AP3S2: variants seen among roughly 807,000 people sequenced by gnomAD.
AP3S2 encodes the protein adaptor related protein complex 3 subunit sigma 2.
Under a neutral mutation model 23.4 loss-of-function variants are expected in AP3S2, and 22 were observed. The ratio of observed to expected loss-of-function variants is 0.94; its 90% CI spans 0.67 to 1.34. AP3S2 has a LOEUF of 1.34. Among genes scored for constraint, AP3S2 ranks in the 40% most tolerant of loss-of-function variants. The probability of loss-of-function intolerance (pLI) is 0.00; values close to 1 mark genes in which losing one functional copy is unlikely to be tolerated. For synonymous variants in AP3S2, 86 were observed against 87.1 expected (o/e 0.99, Z 0.07); for missense variants, 241 against 236.9 (o/e 1.02, Z -0.11).
chr15:89,853,329 C>T (rs1206999353), intron 4 of AP3S2, among the ~76,000 whole-genome samples: 1 of 152,122 alleles, frequency 6.6e-6, no homozygotes, highest in African/African-American at 2.4e-5. Flanking sequence ...TCACTAATTC[C>T]GATCCTCAAA....
In AP3S2 at chr15:89,876,178, G is replaced by A. The variant is rs11853622; in HGVS notation, c.274-4632C>T. ...CACACCTGTAATCCCAGCACTTTGG[G>A]AGGCCAAGTCAGGCAGATCACCTGA... On this transcript the variant is annotated intron_variant, in intron 3 of 5. Transcript: ENST00000336418. Among the ~76,000 whole-genome samples, 928 of 152,260 alleles carry A rather than the reference G, an allele frequency of 6.1e-3. 7 individuals are homozygous for A. Among genetic ancestry groups the A allele is most frequent in the African/African-American group, 0.021 (866 of 41,548 alleles).
chr15:89,849,637 G>C (rs1227264933), intron 4 of AP3S2, among the ~76,000 whole-genome samples: 1 of 152,058 alleles, frequency 6.6e-6, no homozygotes, highest in Non-Finnish European at 1.5e-5. Context: ...AAAGTGCTGG[G>C]ATTACAGGCA....
rs563754208 is a variant in AP3S2, at chr15:89,884,222, A to T, written c.273+4299T>A. 5.9e-5 allele frequency among the ~76,000 whole-genome samples: 9 copies of T among 152,336 alleles called. 1 individual carries two copies. The South Asian group carries it at 1.9e-3, about 32-fold the overall frequency. ...TGTATAATCGCTCCTCTCAGCAACT[A>T]CTAATTTTTATTATATTAGTTTTTC... On this transcript the variant is annotated intron_variant, in intron 3 of 5. Coordinates refer to ENST00000336418, the MANE Select transcript of AP3S2 (RefSeq NM_005829.5).
intron 4 of AP3S2, among the ~76,000 whole-genome samples, chr15:89,842,224 G>A (rs1895345866): frequency 6.6e-6 from 1 of 151,968 alleles, no homozygotes; most frequent in African/African-American, 2.4e-5. Context: ...AACCAAAAAG[G>A]GCTAAAAGAA....
chr15:89,833,673 C>T lies in AP3S2; in HGVS notation c.*1842G>A, dbSNP rs547284047. The T allele has an allele frequency of 6.6e-6, 1 of 152,328 alleles. No homozygotes were observed. Among genetic ancestry groups the T allele is most frequent in the South Asian group, 2.1e-4 (1 of 4,830 alleles). 9.4% of individuals were successfully genotyped at this position (152,328 alleles called of 1,614,324 possible). A position where few individuals can be genotyped will look rare whatever the true frequency, so the allele number is the denominator to read the frequency against. On this transcript the variant is annotated 3_prime_UTR_variant, in exon 6 of 6. Transcript: ENST00000336418. Reference sequence around the variant, plus strand: ...AAAATCCAACCCCTCAAAAGAATGACATCAGGGGTTTTGATATCTATTCAC... The same window carrying T: ...AAAATCCAACCCCTCAAAAGAATGATATCAGGGGTTTTGATATCTATTCAC...
intron 4 of AP3S2, among the ~76,000 whole-genome samples, chr15:89,862,939 A>C (rs966590460): frequency 6.6e-6 from 1 of 152,204 alleles, no homozygotes; most frequent in Non-Finnish European, 1.5e-5. Context: ...CAAGACCTAG[A>C]ACATGAAATA....
rs1491100236 is a variant in AP3S2 at position 89,858,526 on chromosome 15, A to AG, written c.345+12948_345+12949insC. The stretch of plus-strand genomic sequence containing the variant: ...GAGAGAGAGAGAGAGAGAGAGAGAG[A>AG]AAGAAAGAAAGAAAGAAAGAAAGAA... On this transcript the variant is annotated intron_variant, in intron 4 of 5. Transcript: ENST00000336418. Among the ~76,000 whole-genome samples, 132 of 47,952 alleles carry AG rather than the reference A, an allele frequency of 2.8e-3. 1 individual carries two copies. Among genetic ancestry groups the AG allele is most frequent in the Non-Finnish European group, 3.4e-3 (77 of 22,722 alleles). 31.5% of individuals were successfully genotyped at this position (47,952 alleles called of 152,430 possible).
At chr15:89,893,648 C>T (rs1483244462) in intron 1 of AP3S2, 2 of 516,754 alleles carry the variant, frequency 3.9e-6, no homozygotes, top group Admixed American at 3.7e-5. Flanking sequence ...CAAAATGGCA[C>T]AGAAATGCCA....
chr15:89,858,184 T>C (rs1324967853), intron 4 of AP3S2, among the ~76,000 whole-genome samples: 1 of 151,968 alleles, frequency 6.6e-6, no homozygotes, highest in Non-Finnish European at 1.5e-5. Flanking sequence ...ACACCTGCAA[T>C]CCCAGCACTT....
intron 3 of AP3S2, among the ~76,000 whole-genome samples, chr15:89,875,756 T>C (rs1238520848): frequency 6.6e-6 from 1 of 152,158 alleles, no homozygotes; most frequent in African/African-American, 2.4e-5. Context: ...TGAGACCAGC[T>C]TGAGCAACAT....
intron 4 of AP3S2, among the ~76,000 whole-genome samples, chr15:89,868,935 C>G (rs1483422692): frequency 8.2e-6 from 1 of 122,098 alleles, no homozygotes; most frequent in Non-Finnish European, 1.8e-5. Flanking sequence ...CCGCCCCGTC[C>G]GGGAGGGAGG....
intron 3 of AP3S2, chr15:89,876,861 G>A: frequency 6.0e-6 from 1 of 167,442 alleles, no homozygotes. Context: ...TGCCCTGTTG[G>A]CATCAGGAAT....
intron 5 of AP3S2, among the ~76,000 whole-genome samples, chr15:89,835,936 G>A (rs1895181418): frequency 1.3e-5 from 2 of 152,108 alleles, no homozygotes; most frequent in Non-Finnish European, 2.9e-5. Flanking sequence ...GCTGAGGCAG[G>A]AAAATCGCTT....
intron 4 of AP3S2, among the ~76,000 whole-genome samples, chr15:89,849,575 GC>G: frequency 6.6e-6 from 1 of 151,960 alleles, no homozygotes; most frequent in African/African-American, 2.4e-5. Flanking sequence ...CACTATGTTA[GC>G]CAGGATGGTC....
intron 5 of AP3S2, 114 bp downstream of exon 5, chr15:89,837,501 A>G: frequency 8.5e-7 from 1 of 1,182,596 alleles, no homozygotes; most frequent in Non-Finnish European, 1.2e-6. Flanking sequence ...AAGAAAGAAG[A>G]TGAGTATCAT....
At chr15:89,870,545 A>G (rs1327196967) in intron 4 of AP3S2, among the ~76,000 whole-genome samples, 1 of 152,210 alleles carries the variant, frequency 6.6e-6, no homozygotes, top group Non-Finnish European at 1.5e-5. Context: ...GAAAGTGGGG[A>G]TCTGCCAACC....
Position 89,883,936 on chromosome 15 carries a change from T to C in AP3S2, c.273+4585A>G, listed in dbSNP as rs533687107. ...CATGATGCTCAAAGGAAATGCTTATTGGTCATTTCAGGTTTTGGACTTTCA... is the reference window on the plus strand; with the variant it reads ...CATGATGCTCAAAGGAAATGCTTATCGGTCATTTCAGGTTTTGGACTTTCA... On this transcript the variant is annotated intron_variant, in intron 3 of 5. Transcript: ENST00000336418. 50 of 152,394 alleles carry C rather than the reference T, an allele frequency of 3.3e-4. No homozygotes were observed. In the South Asian group the frequency reaches 6.6e-3, roughly 20 times the overall value. The allele number at this position is 152,394 out of a possible 1,614,324, so 9.4% of individuals were successfully genotyped here.
At chr15:89,871,398 T>C (rs1011247031) in intron 4 of AP3S2, 77 bp downstream of exon 4, 2 of 1,330,780 alleles carry the variant, frequency 1.5e-6, no homozygotes, top group Non-Finnish European at 2.1e-6. Flanking sequence ...TATGAAGATG[T>C]AGAGGTGGCT....
chr15:89,878,194 T>A (rs2141889704), intron 3 of AP3S2: 1 of 616,010 alleles, frequency 1.6e-6, no homozygotes, highest in East Asian at 2.9e-5. Flanking sequence ...TGGGTGGTGA[T>A]GATAATAAAA....
Sources: allele counts gnomAD v4.1 joint callset (sites outside exome capture counted in the v4.1 genomes callset), GRCh38; gene constraint gnomAD v4.1.1; transcripts MANE v1.5; gene names NCBI Gene and HGNC (gene_info 2026-07-23, HGNC 2026-07-21).